CEMIP2: variants seen among roughly 807,000 people sequenced by gnomAD.
CEMIP2 encodes the protein cell migration inducing hyaluronidase 2.
A neutral mutation model predicts 146.9 loss-of-function variants in CEMIP2; 79 were observed. That is an observed-to-expected ratio of 0.54 (90% CI 0.45 to 0.65). The LOEUF (loss-of-function observed/expected upper bound fraction) is 0.65. Among genes scored for constraint, CEMIP2 ranks in the 30% least tolerant of loss-of-function variants. The pLI is 0.00. For synonymous variants in CEMIP2, 601 were observed against 606.3 expected, an observed-to-expected ratio of 0.99 and a Z score of 0.13; for missense variants, 1,596 against 1,696.2, an observed-to-expected ratio of 0.94 and a Z score of 1.04.
At chr9:71,732,954 G>A (rs374319408) in intron 6 of CEMIP2, among the ~76,000 whole-genome samples, 6 of 152,076 alleles carry the variant, frequency 3.9e-5, no homozygotes, top group African/African-American at 1.4e-4. Flanking sequence ...TCCTGAAGCA[G>A]CTCAATCCTC....
intron 23 of CEMIP2, 49 bp from the exon 24 acceptor site, chr9:71,685,442 C>T: frequency 7.1e-7 from 1 of 1,408,900 alleles, no homozygotes; most frequent in Non-Finnish European, 9.2e-7. Flanking sequence ...ATTTTTATAG[C>T]TACATTCCAG....
intron 3 of CEMIP2, 137 bp downstream of exon 3, chr9:71,746,064 C>T: frequency 2.0e-6 from 2 of 987,596 alleles, no homozygotes; most frequent in Non-Finnish European, 2.9e-6. Context: ...ATGATCTTTC[C>T]AAATCTCCAT....
chr9:71,756,523 C>CAT (rs1160925419), intron 1 of CEMIP2, among the ~76,000 whole-genome samples: 77 of 151,260 alleles, frequency 5.1e-4, no homozygotes, highest in African/African-American at 1.8e-3. Flanking sequence ...CACACACACA[C>CAT]ACACACACAC....
At chr9:71,691,630 G>A (rs1480030428) in intron 21 of CEMIP2, among the ~76,000 whole-genome samples, 1 of 151,972 alleles carries the variant, frequency 6.6e-6, no homozygotes, top group Non-Finnish European at 1.5e-5. Flanking sequence ...CCCATGAAAA[G>A]TATCCCCAAA....
chr9:71,688,709 G>A (rs902309306), intron 22 of CEMIP2, among the ~76,000 whole-genome samples: 5 of 152,020 alleles, frequency 3.3e-5, no homozygotes, highest in Non-Finnish European at 7.4e-5. Context: ...TTCTAAAGCA[G>A]TGGTGACACA....
At chr9:71,730,290 A>G in intron 8 of CEMIP2, 37 bp from the exon 9 acceptor site, 1 of 1,590,900 alleles carries the variant, frequency 6.3e-7, no homozygotes, top group Non-Finnish European at 8.6e-7. Context: ...CATTGGTAAC[A>G]AGAATGATTG....
chr9:71,695,353 T>C (rs1176797308), intron 20 of CEMIP2, among the ~76,000 whole-genome samples: 2 of 152,146 alleles, frequency 1.3e-5, no homozygotes, highest in Non-Finnish European at 2.9e-5. Flanking sequence ...ACTGTCCATA[T>C]AAACCAATGT....
chr9:71,722,666 A>AC (rs932496362), intron 11 of CEMIP2, 151 bp from the exon 12 acceptor site: 29 of 575,902 alleles, frequency 5.0e-5, no homozygotes, highest in Admixed American at 2.1e-4. Context: ...AAAAAAAAAA[A>AC]AACAGCTACT....
chr9:71,696,181 T>C, intron 20 of CEMIP2, among the ~76,000 whole-genome samples: 1 of 152,188 alleles, frequency 6.6e-6, no homozygotes, highest in East Asian at 1.9e-4. Context: ...TTTTTATAAG[T>C]TATAATGTTT....
chr9:71,756,451 G>A (rs1824455263), intron 1 of CEMIP2, among the ~76,000 whole-genome samples: 1 of 145,048 alleles, frequency 6.9e-6, no homozygotes, highest in Non-Finnish European at 1.5e-5. Flanking sequence ...TACTCCCAAA[G>A]AATCTCTTCA....
rs759564410 is a variant in CEMIP2 at position 71,690,212 on chromosome 9, C to T, written c.3731G>A (p.Gly1244Asp). 5 of 1,614,120 alleles carry T rather than the reference C, an allele frequency of 3.1e-6. No homozygotes were observed. Among genetic ancestry groups the T allele is most frequent in the Non-Finnish European group, 4.2e-6 (5 of 1,179,986 alleles). The change falls in exon 22 of 24, where the codon GGC becomes GAC. Residue 1244 changes from glycine to aspartate, a missense_variant. Transcript: ENST00000377044. ...NGTDFTFRSA[G>D]VLLLVVDPCS... ...CGGATCCACAACAAGGAGGAGGACG[C>T]CTGCACTTCGGAAGGTAAAGTCAGT... is the stretch of plus-strand genomic sequence containing the variant.
intron 4 of CEMIP2, among the ~76,000 whole-genome samples, chr9:71,740,716 G>A (rs893187306): frequency 6.6e-6 from 1 of 152,142 alleles, no homozygotes; most frequent in Non-Finnish European, 1.5e-5. Flanking sequence ...ATTGCAAAAG[G>A]TTGGGTACAG....
At chr9:71,703,102 G>A (rs1456638457) in intron 18 of CEMIP2, among the ~76,000 whole-genome samples, 1 of 152,216 alleles carries the variant, frequency 6.6e-6, no homozygotes, top group Non-Finnish European at 1.5e-5. Flanking sequence ...GTGGACTAAG[G>A]ATTGGAGGTG....
intron 7 of CEMIP2, 145 bp from the exon 8 acceptor site, chr9:71,731,059 G>T: frequency 2.9e-6 from 2 of 690,268 alleles, no homozygotes; most frequent in Non-Finnish European, 4.8e-6. Flanking sequence ...CAGATTGCCA[G>T]TTAATAATTT....
intron 19 of CEMIP2, 105 bp downstream of exon 19, chr9:71,700,536 AC>A: frequency 8.8e-7 from 1 of 1,140,570 alleles, no homozygotes; most frequent in Non-Finnish European, 1.2e-6. Flanking sequence ...GCAGAGAATT[AC>A]CCACATCAGC....
At chr9:71,762,389 G>A (rs988866138) in intron 1 of CEMIP2, among the ~76,000 whole-genome samples, 1 of 151,758 alleles carries the variant, frequency 6.6e-6, no homozygotes, top group African/African-American at 2.4e-5. Context: ...TAGAGGCCGA[G>A]GCAGTTGGAT....
At chr9:71,716,459 A>G in intron 14 of CEMIP2, 58 bp downstream of exon 14, 1 of 1,385,242 alleles carries the variant, frequency 7.2e-7, no homozygotes, top group East Asian at 2.3e-5. Flanking sequence ...TCAGAAAAAA[A>G]AATCAAGGGT....
chr9:71,686,021 C>T, intron 22 of CEMIP2, 175 bp from the exon 23 acceptor site: 1 of 592,792 alleles, frequency 1.7e-6, no homozygotes, highest in Non-Finnish European at 3.0e-6. Flanking sequence ...CACCCCACCA[C>T]CATGGGCTTC....
intron 1 of CEMIP2, among the ~76,000 whole-genome samples, chr9:71,755,898 G>T (rs1486019393): frequency 7.3e-6 from 1 of 136,996 alleles, no homozygotes; most frequent in Non-Finnish European, 1.5e-5. Flanking sequence ...GGAGGTGAAG[G>T]CTGCAACAAA....
Sources: allele counts gnomAD v4.1 joint callset (sites outside exome capture counted in the v4.1 genomes callset), GRCh38; gene constraint gnomAD v4.1.1; transcripts MANE v1.5; gene names NCBI Gene and HGNC (gene_info 2026-07-23, HGNC 2026-07-21).